The following ABCB9 variants were observed in gnomAD, a reference collection of about 807,000 sequenced individuals.
ABCB9 encodes the protein ATP binding cassette subfamily B member 9.
Under a neutral mutation model 62.0 loss-of-function variants are expected in ABCB9, and 36 were observed. The observed-to-expected ratio is 0.58, with a 90% CI of 0.45 to 0.77. The LOEUF (loss-of-function observed/expected upper bound fraction) is 0.77. Ranked by LOEUF, ABCB9 falls within the 30% of genes least tolerant of loss-of-function variation. The pLI is 0.00. For missense variants in ABCB9, 943 were observed against 1,054.7 expected (o/e 0.89, Z 1.47); for synonymous variants, 435 against 461.4 (o/e 0.94, Z 0.73).
At chr12:122,957,307 G>A (rs1224093226) in intron 2 of ABCB9, among the ~76,000 whole-genome samples, 3 of 152,194 alleles carry the variant, frequency 2.0e-5, no homozygotes, top group African/African-American at 7.2e-5. Context: ...GTCTCCCAAA[G>A]TGCTGGGATT....
chr12:122,946,042 A>C lies in ABCB9; in HGVS notation c.1234T>G (p.Tyr412Asp). Reference sequence around the variant, plus strand: ...GCACGTACCCCGCTGCCCCAGACGTAGTACATGTAGGCAGCTGCCTCCTTC... The same window carrying C: ...GCACGTACCCCGCTGCCCCAGACGTCGTACATGTAGGCAGCTGCCTCCTTC... ...NRKEAAAYMY[Y>D]VWGSGLTLLV... The change falls in exon 6 of 12, where the codon TAC (tyrosine) becomes GAC (aspartate). Residue 412 changes from tyrosine to aspartate, a missense_variant. Coordinates refer to ENST00000280560, the MANE Select transcript of ABCB9 (RefSeq NM_019625.4). 1 of 1,613,812 alleles carries C rather than the reference A, an allele frequency of 6.2e-7. No individual in the cohort carries two copies. Among genetic ancestry groups the C allele is most frequent in the Non-Finnish European group, 8.5e-7 (1 of 1,180,000 alleles).
chr12:122,950,331 C>T (rs2036293986), intron 3 of ABCB9, 120 bp downstream of exon 3: 2 of 956,346 alleles, frequency 2.1e-6, no homozygotes, highest in Non-Finnish European at 3.1e-6. Flanking sequence ...GAGGGACAGG[C>T]CCACCAGGGG....
rs114832236 is a variant in ABCB9 at position 122,948,645 on chromosome 12, G to A, written c.1032C>T (p.Asn344=). Residue 344 remains asparagine, a synonymous_variant, in exon 5 of 12, where the codon AAC becomes AAT. Coordinates refer to ENST00000280560, the MANE Select transcript of ABCB9 (RefSeq NM_019625.4). ...CTACCTTGTAGTACTTGCCGTAGATGTTGGACACCATCATGATGATGGGGA... is the reference window on the plus strand; with the variant it reads ...CTACCTTGTAGTACTTGCCGTAGATATTGGACACCATCATGATGATGGGGA... ...MGFPIIMMVS[N]IYGKYYKRLS... is the part of the protein sequence containing the mutation. 40 of 1,613,434 alleles carry A rather than the reference G, an allele frequency of 2.5e-5. No homozygotes were observed. In the East Asian group the frequency reaches 8.5e-4, roughly 34 times the overall value.
rs754316766 is a variant in ABCB9, at chr12:122,929,261, C to G, written c.*650G>C. 35 of 985,874 alleles carry G rather than the reference C, an allele frequency of 3.6e-5. No homozygotes were observed. The highest frequency in any genetic ancestry group is 4.1e-5 in the Non-Finnish European group (34 of 830,072). 61.1% of individuals were successfully genotyped at this position (985,874 alleles called of 1,614,324 possible). A position where few individuals can be genotyped will look rare whatever the true frequency, so the allele number is the denominator to read the frequency against. ...GAGGCCCCTCCAGACCTGGCCAGCC[C>G]CTCACTCCCCCAGTTGAGGTTTCGT... On this transcript the variant is annotated 3_prime_UTR_variant, in exon 12 of 12. Coordinates refer to ENST00000280560, the MANE Select transcript of ABCB9 (RefSeq NM_019625.4). The surrounding 1 kb of genome is among the most constrained non-coding windows in gnomAD (Gnocchi z 6.0).
downstream of ABCB9, chr12:122,924,775 C>T (rs909005313): frequency 4.6e-6 from 7 of 1,534,502 alleles, no homozygotes; most frequent in South Asian, 3.6e-5. Context: ...CCAAAGCCCT[C>T]GACTGCAATT....
chr12:122,955,711 TTTTG>T (rs2036583076), intron 2 of ABCB9, among the ~76,000 whole-genome samples: 1 of 150,842 alleles, frequency 6.6e-6, no homozygotes, highest in Admixed American at 6.6e-5. Context: ...GTTTTTGTTT[TTTTG>T]TTTTTTTTTT....
At chr12:122,958,722 G>A (rs1380476464) in intron 2 of ABCB9, among the ~76,000 whole-genome samples, 1 of 151,984 alleles carries the variant, frequency 6.6e-6, no homozygotes, top group South Asian at 2.1e-4. Flanking sequence ...CGCCCCTGTA[G>A]TCCCAGCTAT....
chr12:122,955,715 GTTTTTTTT>G (rs1345508865), intron 2 of ABCB9, among the ~76,000 whole-genome samples: 1 of 141,922 alleles, frequency 7.0e-6, no homozygotes, highest in Non-Finnish European at 1.6e-5. Context: ...TTGTTTTTTT[GTTTTTTTT>G]TTTTTTGAGA....
At chr12:122,961,491 C>G (rs1014384318) in intron 1 of ABCB9, among the ~76,000 whole-genome samples, 1 of 152,102 alleles carries the variant, frequency 6.6e-6, no homozygotes, top group Non-Finnish European at 1.5e-5. Flanking sequence ...TGTGCGGGGC[C>G]AGAGATCAAT....
intron 6 of ABCB9, among the ~76,000 whole-genome samples, chr12:122,945,535 C>T (rs12815479): frequency 0.053 from 8,074 of 152,242 alleles, 285 homozygotes; most frequent in Non-Finnish European, 0.084. Flanking sequence ...AAAGCTCCCA[C>T]CCTGCCACCC....
Position 122,944,745 on chromosome 12 carries a change from C to A in ABCB9, c.1252-226G>T, listed in dbSNP as rs2035948796. 3.8e-6 allele frequency: 2 copies of A among 526,900 alleles called. No homozygotes were observed. Among genetic ancestry groups the A allele is most frequent in the Admixed American group, 6.6e-5 (2 of 30,490 alleles). 32.6% of individuals were successfully genotyped at this position (526,900 alleles called of 1,614,324 possible). ...CAGCTGGAGCAGGCTGTGGGCTTGG[C>A]CACAGAACAAGGCTTTCTTTGTGAG... On this transcript the variant is annotated intron_variant, in intron 6 of 11. Transcript: ENST00000280560. This position sits in a 1 kb window ranked among gnomAD's most constrained non-coding sequence, Gnocchi z 4.9.
At chr12:122,957,896 G>T (rs940188716) in intron 2 of ABCB9, among the ~76,000 whole-genome samples, 1 of 151,090 alleles carries the variant, frequency 6.6e-6, no homozygotes, top group East Asian at 2.0e-4. Context: ...CAGGTCGGGC[G>T]CAGTGGCTCA....
chr12:122,963,972 TG>T (rs1169117759), intron 1 of ABCB9, among the ~76,000 whole-genome samples: 1 of 152,086 alleles, frequency 6.6e-6, no homozygotes, highest in Non-Finnish European at 1.5e-5. Flanking sequence ...GCAGAGGCCG[TG>T]GGGAGCGAGC....
intron 7 of ABCB9, among the ~76,000 whole-genome samples, chr12:122,943,928 A>C (rs2035898675): frequency 6.6e-6 from 1 of 151,752 alleles, no homozygotes; most frequent in African/African-American, 2.4e-5. Context: ...GGCACATGCC[A>C]CCATACTCGG....
At chr12:122,955,161 A>G (rs895552729) in intron 2 of ABCB9, among the ~76,000 whole-genome samples, 9 of 152,064 alleles carry the variant, frequency 5.9e-5, no homozygotes, top group Non-Finnish European at 1.3e-4. Context: ...TTCTCACAGT[A>G]CCCCAAGAAA....
chr12:122,929,592 C>T lies in ABCB9; in HGVS notation c.*319G>A. 8.6e-7 allele frequency: 1 copy of T among 1,165,114 alleles called. No individual in the cohort carries two copies. Among genetic ancestry groups the T allele is most frequent in the Non-Finnish European group, 1.1e-6 (1 of 945,550 alleles). 72.2% of individuals were successfully genotyped at this position (1,165,114 alleles called of 1,614,324 possible). On this transcript the variant is annotated 3_prime_UTR_variant, in exon 12 of 12. Coordinates refer to ENST00000280560, the MANE Select transcript of ABCB9 (RefSeq NM_019625.4). This position sits in a 1 kb window ranked among gnomAD's most constrained non-coding sequence, Gnocchi z 6.0. Reference sequence around the variant, plus strand: ...CCAATTAGAAAAAGGTTTTTGAAATCTAGGAGTTGACTGGGGTGCCTCAAA... The same window carrying T: ...CCAATTAGAAAAAGGTTTTTGAAATTTAGGAGTTGACTGGGGTGCCTCAAA...
intron 2 of ABCB9, among the ~76,000 whole-genome samples, chr12:122,957,861 G>A (rs1328334396): frequency 2.0e-5 from 3 of 151,200 alleles, no homozygotes; most frequent in Non-Finnish European, 4.4e-5. Flanking sequence ...CATATGAAAT[G>A]TGTATGAACA....
chr12:122,972,005 A>C (rs1259598293), intron 1 of ABCB9, among the ~76,000 whole-genome samples: 1 of 152,146 alleles, frequency 6.6e-6, no homozygotes, highest in Non-Finnish European at 1.5e-5. Context: ...TCATAATAAA[A>C]AGAATGTTCA....
chr12:122,927,425 C>T (rs2135741246), downstream of ABCB9, among the ~76,000 whole-genome samples: 1 of 152,346 alleles, frequency 6.6e-6, no homozygotes, highest in Middle Eastern at 3.4e-3. Context: ...CCACCTTGGC[C>T]TCCCAAAGTG....
Sources: allele counts gnomAD v4.1 joint callset (sites outside exome capture counted in the v4.1 genomes callset), GRCh38; gene constraint gnomAD v4.1.1; non-coding constraint Gnocchi (gnomAD v3.1); transcripts MANE v1.5; gene names NCBI Gene and HGNC (gene_info 2026-07-23, HGNC 2026-07-21).